CTIF: variants seen among roughly 807,000 people sequenced by gnomAD.
The protein encoded by CTIF is CBP80/20-dependent translation initiation factor.
Under a neutral mutation model 66.0 loss-of-function variants are expected in CTIF, and 21 were observed. The ratio of observed to expected loss-of-function variants is 0.32; its 90% CI spans 0.23 to 0.46. The LOEUF (loss-of-function observed/expected upper bound fraction) is 0.46, where lower values mean the gene tolerates loss of function less well. CTIF is among the 20% of genes least tolerant of loss of function. The pLI is 1.00. For missense variants in CTIF, 739 were observed against 812.7 expected, an observed-to-expected ratio of 0.91 and a Z score of 1.10; for synonymous variants, 345 against 326.4, an observed-to-expected ratio of 1.06 and a Z score of -0.62.
In CTIF at chr18:48,862,401, G is replaced by A. The variant is rs1178151440; in HGVS notation, c.*2842G>A. 8 of 152,578 alleles carry A rather than the reference G, an allele frequency of 5.2e-5. No individual in the cohort carries two copies. The highest frequency in any genetic ancestry group is 2.0e-4 in the Admixed American group (3 of 15,264). 9.5% of individuals were successfully genotyped at this position (152,578 alleles called of 1,614,324 possible). A position where few individuals can be genotyped will look rare whatever the true frequency, so the allele number is the denominator to read the frequency against. On this transcript the variant is annotated 3_prime_UTR_variant, in exon 12 of 12. Transcript: ENST00000256413. ...GATGAGTTAGTCATTGTTTTTCTCC[G>A]AGGCGGCCTGCTTGCCACAGCCCTG... is the stretch of plus-strand genomic sequence containing the variant.
intron 9 of CTIF, among the ~76,000 whole-genome samples, chr18:48,773,902 T>C (rs1484352652): frequency 6.6e-6 from 1 of 152,186 alleles, no homozygotes; most frequent in African/African-American, 2.4e-5. Context: ...AGGACAACTC[T>C]TTCAACAGCC....
intron 9 of CTIF, among the ~76,000 whole-genome samples, chr18:48,764,650 G>A (rs1229030924): frequency 6.6e-6 from 1 of 152,168 alleles, no homozygotes; most frequent in Non-Finnish European, 1.5e-5. Context: ...AGGTTTCAGA[G>A]CAGCTCCTCC....
At chr18:48,726,068 A>G (rs2092384584) in intron 7 of CTIF, among the ~76,000 whole-genome samples, 1 of 152,208 alleles carries the variant, frequency 6.6e-6, no homozygotes, top group Non-Finnish European at 1.5e-5. Flanking sequence ...TCCACCTTGT[A>G]AGAGTGTTCT....
chr18:48,685,339 C>T (rs2145197276), intron 6 of CTIF, among the ~76,000 whole-genome samples: 1 of 152,250 alleles, frequency 6.6e-6, no homozygotes, highest in South Asian at 2.1e-4. Context: ...TCTCATGCCT[C>T]AGCCTCCTGA....
chr18:48,602,539 C>A lies in CTIF; in HGVS notation c.-28-16999C>A, dbSNP rs550559144. On this transcript the variant is annotated intron_variant, in intron 1 of 11. Transcript: ENST00000256413. ...TAATGGTGAGCCTTACAGTTGATGA[C>A]TTTGCTTTCTAAGATCTCTTCTAGT... Among the ~76,000 whole-genome samples the A allele has an allele frequency of 6.6e-5, 10 of 152,290 alleles. No homozygotes were observed. The East Asian group carries it at 1.3e-3, about 21-fold the overall frequency.
chr18:48,693,362 G>A (rs7233521), intron 6 of CTIF, among the ~76,000 whole-genome samples: 22,114 of 152,196 alleles, frequency 0.15, 2,376 homozygotes, highest in African/African-American at 0.3. Flanking sequence ...TCTCGACCAC[G>A]TTGTAGACTC....
At chr18:48,852,270 C>CAAG (rs1269132124) in intron 10 of CTIF, among the ~76,000 whole-genome samples, 1 of 120,878 alleles carries the variant, frequency 8.3e-6, no homozygotes, top group African/African-American at 3.0e-5. Context: ...AAAGTTCCAG[C>CAAG]AAGACCACAC....
At chr18:48,769,176 G>A (rs760953131) in intron 9 of CTIF, among the ~76,000 whole-genome samples, 2 of 152,200 alleles carry the variant, frequency 1.3e-5, no homozygotes, top group African/African-American at 4.8e-5. Flanking sequence ...CTGAGCCGAT[G>A]TGCACTCCAG....
rs116821340 is a variant in CTIF at position 48,601,465 on chromosome 18, G to A, written c.-28-18073G>A. Among the ~76,000 whole-genome samples, 1,215 of 152,336 alleles carry A rather than the reference G, an allele frequency of 8.0e-3. 14 individuals are homozygous for A. Among genetic ancestry groups the A allele is most frequent in the African/African-American group, 0.027 (1,125 of 41,576 alleles). On this transcript the variant is annotated intron_variant, in intron 1 of 11. Coordinates refer to ENST00000256413, the MANE Select transcript of CTIF (RefSeq NM_014772.3). ...GATCTGATGGGAAAGCTGTCCCCCC[G>A]AGGGTCCTTCCTGTAGGGAGAGTTA...
In CTIF at chr18:48,619,549, G is replaced by A. The variant is rs143187329; in HGVS notation, c.-17G>A. The A allele has an allele frequency of 8.0e-6, 12 of 1,493,808 alleles. No homozygotes were observed. The highest frequency in any genetic ancestry group is 2.5e-5 in the East Asian group (1 of 40,202). The allele number at this position is 1,493,808 out of a possible 1,614,324, so 92.5% of individuals were successfully genotyped here. Reference sequence around the variant, plus strand: ...CTCTTTCCCACCAGTCCCGGCCCAGGCCCCTGAGCTGGAGGGATGGAAAAC... The same window carrying A: ...CTCTTTCCCACCAGTCCCGGCCCAGACCCCTGAGCTGGAGGGATGGAAAAC... On this transcript the variant is annotated 5_prime_UTR_variant, in exon 2 of 12. Coordinates refer to ENST00000256413, the MANE Select transcript of CTIF (RefSeq NM_014772.3).
At position 48,649,627 on chromosome 18, in the gene CTIF, G is replaced by A. The variant is rs113735474; in HGVS notation, c.252+12942G>A. On this transcript the variant is annotated intron_variant, in intron 3 of 11. Transcript: ENST00000256413. ...TTCTCCCAGCATGGTGTTTGAGCTC[G>A]GAGAATGGACAGACTGCCTCCTCAA... Among the ~76,000 whole-genome samples, 245 of 152,292 alleles carry A rather than the reference G, an allele frequency of 1.6e-3. 1 individual carries two copies. The highest frequency in any genetic ancestry group is 5.8e-3 in the African/African-American group (240 of 41,560).
chr18:48,664,403 T>G (rs2091399177), intron 4 of CTIF, 44 bp from the exon 5 acceptor site: 1 of 1,525,678 alleles, frequency 6.6e-7, no homozygotes, highest in Admixed American at 1.7e-5. Context: ...GTAACTGGGC[T>G]GTTGCCCTCT....
chr18:48,841,928 A>T (rs554445960), intron 10 of CTIF, among the ~76,000 whole-genome samples: 1 of 152,286 alleles, frequency 6.6e-6, no homozygotes, highest in East Asian at 1.9e-4. Flanking sequence ...GCGCTCACAC[A>T]CAAAAGAGAA....
intron 7 of CTIF, among the ~76,000 whole-genome samples, chr18:48,732,121 T>G (rs1304837147): frequency 1.3e-5 from 2 of 152,218 alleles, no homozygotes; most frequent in Non-Finnish European, 2.9e-5. Context: ...GCTGCAGCAG[T>G]GCATTCACCT....
At chr18:48,811,788 G>A (rs529009493) in intron 9 of CTIF, among the ~76,000 whole-genome samples, 18 of 152,230 alleles carry the variant, frequency 1.2e-4, no homozygotes, top group Admixed American at 4.6e-4. Flanking sequence ...TATATATCAC[G>A]TATTGTTGAT....
At chr18:48,552,500 T>C (rs1326095204) in intron 1 of CTIF, among the ~76,000 whole-genome samples, 1 of 152,212 alleles carries the variant, frequency 6.6e-6, no homozygotes. Flanking sequence ...CAGTGTCTGG[T>C]GAAGGCTCAA....
intron 3 of CTIF, among the ~76,000 whole-genome samples, chr18:48,658,896 G>A (rs1473097): frequency 0.55 from 83,699 of 151,996 alleles, 26,087 homozygotes; most frequent in East Asian, 0.85. Flanking sequence ...ATGTGAAAAC[G>A]TTGGGCTCCT....
In CTIF at chr18:48,712,179, A is replaced by G. The variant is rs180824435; in HGVS notation, c.584+484A>G. On this transcript the variant is annotated intron_variant, in intron 7 of 11. Transcript: ENST00000256413. ...GCGTGCTGGCTCTGCTGTCACAGGC[A>G]ACACACAGATCAGCAATGGCACATG... 2.2e-4 allele frequency among the ~76,000 whole-genome samples: 34 copies of G among 152,182 alleles called. No individual in the cohort carries two copies. The East Asian group carries it at 6.4e-3, about 29-fold the overall frequency.
intron 1 of CTIF, chr18:48,540,253 G>T (rs2088574468): frequency 6.6e-6 from 1 of 151,980 alleles, no homozygotes; most frequent in Admixed American, 6.6e-5. Flanking sequence ...CACTTGACAG[G>T]CTCTGAAAAG....
Sources: allele counts gnomAD v4.1 joint callset (sites outside exome capture counted in the v4.1 genomes callset), GRCh38; gene constraint gnomAD v4.1.1; transcripts MANE v1.5; gene names NCBI Gene and HGNC (gene_info 2026-07-23, HGNC 2026-07-21).